The following TACR1 variants were observed in gnomAD, a reference collection of about 807,000 sequenced individuals.
TACR1 encodes the protein tachykinin receptor 1.
In TACR1, 25 loss-of-function variants were observed where a neutral mutation model predicts 35.8. The observed-to-expected ratio is 0.70, with a 90% confidence interval of 0.51 to 0.98. TACR1 has a LOEUF of 0.98. TACR1 is among the 50% of genes least tolerant of loss of function. The pLI is 0.00. For missense variants in TACR1, 478 were observed against 522.9 expected, an observed-to-expected ratio of 0.91 and a Z score of 0.84; for synonymous variants, 195 against 206.7, an observed-to-expected ratio of 0.94 and a Z score of 0.48.
At chr2:75,142,114 A>G (rs932607885) in intron 1 of TACR1, among the ~76,000 whole-genome samples, 6 of 152,198 alleles carry the variant, frequency 3.9e-5, no homozygotes, top group East Asian at 1.9e-4. Flanking sequence ...AAGTAAACCA[A>G]CTGGAGGGGA....
At chr2:75,135,904 A>T (rs959178639) in intron 1 of TACR1, among the ~76,000 whole-genome samples, 13 of 151,942 alleles carry the variant, frequency 8.6e-5, no homozygotes, top group African/African-American at 3.1e-4. Flanking sequence ...CCTCCCCTAT[A>T]TTCTCCCCTC....
At chr2:75,183,238 C>T (rs1675602044) in intron 1 of TACR1, among the ~76,000 whole-genome samples, 1 of 152,084 alleles carries the variant, frequency 6.6e-6, no homozygotes, top group African/African-American at 2.4e-5. Flanking sequence ...ATTAGAGGCA[C>T]AAAGTAAGAT....
rs184874850 is a variant in TACR1 at position 75,120,352 on chromosome 2, C to T, written c.584+222G>A. On this transcript the variant is annotated intron_variant, in intron 2 of 4. Coordinates refer to ENST00000305249, the MANE Select transcript of TACR1 (RefSeq NM_001058.4). ...ATAACAGGATCTAGATCTTACACTT[C>T]AAAAATTATCTTTCAATGCTCAGAA... Among the ~76,000 whole-genome samples, 96 of 152,242 alleles carry T rather than the reference C, an allele frequency of 6.3e-4. 1 individual carries two copies. The highest frequency in any genetic ancestry group is 6.2e-4 in the South Asian group (3 of 4,818).
intron 1 of TACR1, among the ~76,000 whole-genome samples, chr2:75,159,972 A>G (rs1036971184): frequency 6.6e-6 from 1 of 152,224 alleles, no homozygotes. Context: ...ACCACTCATG[A>G]AAAGATAGGC....
At chr2:75,141,362 TC>T (rs1312837030) in intron 1 of TACR1, among the ~76,000 whole-genome samples, 2 of 152,132 alleles carry the variant, frequency 1.3e-5, no homozygotes, top group Non-Finnish European at 2.9e-5. Flanking sequence ...GATAAAACCC[TC>T]CCTAATGAAA....
At chr2:75,134,656 A>G (rs1426309989) in intron 1 of TACR1, among the ~76,000 whole-genome samples, 1 of 152,222 alleles carries the variant, frequency 6.6e-6, no homozygotes, top group Non-Finnish European at 1.5e-5. Context: ...CAGCATATAC[A>G]GAAGCCCAGA....
chr2:75,093,982 C>G (rs1007180842), intron 2 of TACR1, among the ~76,000 whole-genome samples: 8 of 152,044 alleles, frequency 5.3e-5, no homozygotes, highest in African/African-American at 1.9e-4. Context: ...ATGTTAGAGG[C>G]AAAGCCAGGG....
At chr2:75,117,584 T>A (rs530446176) in intron 2 of TACR1, among the ~76,000 whole-genome samples, 2 of 152,214 alleles carry the variant, frequency 1.3e-5, no homozygotes, top group Non-Finnish European at 1.5e-5. Flanking sequence ...AATGCTTCTT[T>A]GTGGAATGTA....
chr2:75,070,703 A>T (rs572246697), intron 2 of TACR1, among the ~76,000 whole-genome samples: 2 of 152,340 alleles, frequency 1.3e-5, no homozygotes, highest in East Asian at 3.9e-4. Flanking sequence ...ACAACCAGAG[A>T]AGACATGTAC....
chr2:75,081,244 G>T (rs373245482), intron 2 of TACR1, among the ~76,000 whole-genome samples: 1 of 152,114 alleles, frequency 6.6e-6, no homozygotes, highest in East Asian at 1.9e-4. Context: ...ATTGTATAAC[G>T]GGCGTGTATT....
intron 2 of TACR1, among the ~76,000 whole-genome samples, chr2:75,072,493 G>C: frequency 6.6e-6 from 1 of 152,240 alleles, no homozygotes; most frequent in East Asian, 1.9e-4. Flanking sequence ...TCGTCCATGA[G>C]AGCATGAAAA....
chr2:75,121,161 G>T (rs1438357033), intron 1 of TACR1, among the ~76,000 whole-genome samples: 1 of 152,178 alleles, frequency 6.6e-6, no homozygotes, highest in Non-Finnish European at 1.5e-5. Context: ...AGGGATAATG[G>T]TGATCAGAAT....
chr2:75,172,233 A>G (rs1174029096), intron 1 of TACR1, among the ~76,000 whole-genome samples: 1 of 152,198 alleles, frequency 6.6e-6, no homozygotes, highest in Non-Finnish European at 1.5e-5. Flanking sequence ...GGGCCATTGA[A>G]CATTTGATAA....
chr2:75,058,411 A>G lies in TACR1; in HGVS notation c.585-4656T>C, dbSNP rs7603030. ...TGCTTGCTTTGGCTTTCATTCTGCTATTTCCTAGATTTCTGCCAGTTAGGA... is the reference window on the plus strand; with the variant it reads ...TGCTTGCTTTGGCTTTCATTCTGCTGTTTCCTAGATTTCTGCCAGTTAGGA... On this transcript the variant is annotated intron_variant, in intron 2 of 4. Transcript: ENST00000305249. Among the ~76,000 whole-genome samples, 635 of 152,266 alleles carry G rather than the reference A, an allele frequency of 4.2e-3. 4 individuals are homozygous for G. Among genetic ancestry groups the G allele is most frequent in the African/African-American group, 0.014 (602 of 41,544 alleles).
intron 2 of TACR1, among the ~76,000 whole-genome samples, chr2:75,111,174 T>C (rs1187825797): frequency 6.6e-6 from 1 of 151,994 alleles, no homozygotes; most frequent in Non-Finnish European, 1.5e-5. Context: ...ATATAGAATT[T>C]AACAAACTCA....
chr2:75,153,481 C>T (rs1674720319), intron 1 of TACR1, among the ~76,000 whole-genome samples: 1 of 152,068 alleles, frequency 6.6e-6, no homozygotes, highest in Non-Finnish European at 1.5e-5. Flanking sequence ...TGACTGACTG[C>T]ACTCTGAGCT....
chr2:75,150,221 G>A (rs1324912647), intron 1 of TACR1, among the ~76,000 whole-genome samples: 1 of 152,176 alleles, frequency 6.6e-6, no homozygotes, highest in Non-Finnish European at 1.5e-5. Flanking sequence ...ACATTGAATT[G>A]CCCTTGAAAA....
chr2:75,085,584 A>G (rs945228323), intron 2 of TACR1, among the ~76,000 whole-genome samples: 3 of 152,174 alleles, frequency 2.0e-5, no homozygotes, highest in African/African-American at 4.8e-5. Flanking sequence ...GGCAAATATC[A>G]TGGAGGATTT....
At chr2:75,167,889 T>C (rs1002722636) in intron 1 of TACR1, among the ~76,000 whole-genome samples, 2 of 152,158 alleles carry the variant, frequency 1.3e-5, no homozygotes, top group African/African-American at 2.4e-5. Flanking sequence ...AATGATACCA[T>C]TGTTCACTCA....
Sources: gnomAD v4.1 joint callset for allele counts (sites outside exome capture counted in the v4.1 genomes callset) on GRCh38, gnomAD v4.1.1 for gene constraint, MANE v1.5 for transcripts, NCBI Gene and HGNC (gene_info 2026-07-23, HGNC 2026-07-21) for gene names.